CREBRF: variants seen among roughly 807,000 people sequenced by gnomAD.
CREBRF encodes the protein UPF0474 protein C5orf41.
CREBRF carries 5 observed loss-of-function variants against 66.1 expected under a neutral mutation model. That is an observed-to-expected ratio of 0.08 (90% CI 0.04 to 0.16). The LOEUF (loss-of-function observed/expected upper bound fraction) is 0.16, where lower values mean the gene tolerates loss of function less well. CREBRF is among the 10% of genes least tolerant of loss of function. The pLI, the probability that CREBRF is intolerant of heterozygous loss-of-function variation, is 1.00. For missense variants in CREBRF, 531 were observed against 744.9 expected (o/e 0.71, Z 3.34); for synonymous variants, 229 against 264.4 (o/e 0.87, Z 1.30).
intron 1 of CREBRF, among the ~76,000 whole-genome samples, chr5:173,077,932 T>C (rs1383537387): frequency 2.0e-5 from 3 of 152,234 alleles, no homozygotes; most frequent in East Asian, 1.9e-4. Flanking sequence ...AATATTCTGT[T>C]GTATTTGCCA....
At chr5:173,108,238 A>T (rs536522200) in intron 4 of CREBRF, among the ~76,000 whole-genome samples, 1 of 152,322 alleles carries the variant, frequency 6.6e-6, no homozygotes, top group Non-Finnish European at 1.5e-5. Flanking sequence ...TAGAAGGAAG[A>T]CATTTAAAAA....
chr5:173,130,257 G>A, intron 8 of CREBRF, among the ~76,000 whole-genome samples: 1 of 152,156 alleles, frequency 6.6e-6, no homozygotes, highest in East Asian at 1.9e-4. Context: ...CAAAAGATCT[G>A]CTAGAGTTTG....
At chr5:173,096,197 C>T (rs903578459) in intron 4 of CREBRF, among the ~76,000 whole-genome samples, 2 of 152,170 alleles carry the variant, frequency 1.3e-5, no homozygotes, top group East Asian at 3.9e-4. Context: ...TCTCGATCTC[C>T]TAACCTTGTG....
intron 8 of CREBRF, 59 bp from the exon 9 acceptor site, chr5:173,133,571 C>G: frequency 2.1e-6 from 2 of 937,266 alleles, no homozygotes; most frequent in Non-Finnish European, 3.4e-6. Flanking sequence ...CAGCTCCTTC[C>G]CTTCCCTTCA....
At chr5:173,057,158 C>T (rs1757082218) in intron 1 of CREBRF, among the ~76,000 whole-genome samples, 1 of 151,928 alleles carries the variant, frequency 6.6e-6, no homozygotes, top group Non-Finnish European at 1.5e-5. Context: ...GCGGAGCCCT[C>T]AGAGCTGAGT....
chr5:173,056,420 G>A lies in CREBRF; in HGVS notation c.-251G>A. 2.5e-6 allele frequency: 1 copy of A among 398,392 alleles called. No homozygotes were observed. Among genetic ancestry groups the A allele is most frequent in the Non-Finnish European group, 4.4e-6 (1 of 225,878 alleles). 24.7% of individuals were successfully genotyped at this position (398,392 alleles called of 1,614,324 possible). On this transcript the variant is annotated 5_prime_UTR_variant, in exon 1 of 9. Transcript: ENST00000296953. ...AAACAAACCCGAGGCAGCATGGAGA[G>A]GGGCCGTGGCCCCTGCAGCGGAACC...
At chr5:173,110,411 C>A (rs750452129) in intron 5 of CREBRF, 111 bp from the exon 6 acceptor site, 1 of 802,970 alleles carries the variant, frequency 1.2e-6, no homozygotes, top group East Asian at 2.5e-5. Context: ...CATGCCAAGA[C>A]TTCTGAAAAG....
chr5:173,134,035 G>A lies in CREBRF; in HGVS notation c.*290G>A, dbSNP rs182349360. On this transcript the variant is annotated 3_prime_UTR_variant, in exon 9 of 9. Coordinates refer to ENST00000296953, the MANE Select transcript of CREBRF (RefSeq NM_153607.3). ...AAATCTGTTAAAGCAAAACATTTTG[G>A]AGGAGTGAAATAGTAAAATGCCAAG... The A allele has an allele frequency of 2.6e-4, 47 of 182,500 alleles. No homozygotes were observed. The highest frequency in any genetic ancestry group is 1.1e-3 in the African/African-American group (46 of 42,606). The allele number at this position is 182,500 out of a possible 1,614,324, so 11.3% of individuals were successfully genotyped here.
At chr5:173,072,114 CT>C (rs910280333) in intron 1 of CREBRF, among the ~76,000 whole-genome samples, 3 of 150,092 alleles carry the variant, frequency 2.0e-5, no homozygotes, top group East Asian at 1.9e-4. Context: ...AAAATTTTTC[CT>C]TTTTTTTTAA....
intron 3 of CREBRF, among the ~76,000 whole-genome samples, chr5:173,089,117 C>T (rs1287536431): frequency 1.4e-5 from 2 of 145,736 alleles, no homozygotes; most frequent in East Asian, 2.0e-4. Context: ...GAGGAGGTTG[C>T]AGTGAGCCAA....
intron 3 of CREBRF, 103 bp downstream of exon 3, chr5:173,086,729 C>G: frequency 1.0e-6 from 1 of 984,338 alleles, no homozygotes. Context: ...TGTGCTTGGG[C>G]CAAGTTTGAT....
intron 3 of CREBRF, among the ~76,000 whole-genome samples, chr5:173,087,058 T>G (rs1758174584): frequency 6.6e-6 from 1 of 151,908 alleles, no homozygotes; most frequent in Admixed American, 6.6e-5. Flanking sequence ...GCTATTCTTC[T>G]ACCTCAGCCT....
intron 7 of CREBRF, among the ~76,000 whole-genome samples, chr5:173,113,289 C>T (rs1758910066): frequency 6.6e-6 from 1 of 152,080 alleles, no homozygotes; most frequent in African/African-American, 2.4e-5. Flanking sequence ...GCCGCTGCAC[C>T]CAGCCAAGAT....
rs1384390747 is a variant in CREBRF at position 173,135,288 on chromosome 5, A to G, written c.*1543A>G. ...GACTTATTCTTCTATAGTTTCTAGAATTGAGAAACATTAACACATTTAGTT... is the reference window on the plus strand; with the variant it reads ...GACTTATTCTTCTATAGTTTCTAGAGTTGAGAAACATTAACACATTTAGTT... On this transcript the variant is annotated 3_prime_UTR_variant, in exon 9 of 9. Coordinates refer to ENST00000296953, the MANE Select transcript of CREBRF (RefSeq NM_153607.3). 1 of 152,504 alleles carries G rather than the reference A, an allele frequency of 6.6e-6. No individual in the cohort carries two copies. Among genetic ancestry groups the G allele is most frequent in the Non-Finnish European group, 1.5e-5 (1 of 67,926 alleles). 9.4% of individuals were successfully genotyped at this position (152,504 alleles called of 1,614,324 possible). A position where few individuals can be genotyped will look rare whatever the true frequency, so the allele number is the denominator to read the frequency against.
chr5:173,131,842 C>A (rs1216797647), intron 8 of CREBRF, among the ~76,000 whole-genome samples: 1 of 152,096 alleles, frequency 6.6e-6, no homozygotes, highest in Non-Finnish European at 1.5e-5. Flanking sequence ...AAGTGGTTCT[C>A]CTATCTCAGC....
At chr5:173,132,937 C>G (rs2113814363) in intron 8 of CREBRF, among the ~76,000 whole-genome samples, 1 of 152,042 alleles carries the variant, frequency 6.6e-6, no homozygotes, top group Admixed American at 6.6e-5. Context: ...GCCTAGCTGA[C>G]AAATATATTT....
chr5:173,086,166 C>T, intron 2 of CREBRF: 1 of 775,454 alleles, frequency 1.3e-6, no homozygotes, highest in Non-Finnish European at 2.4e-6. Flanking sequence ...ACATGTTTTG[C>T]CAACAGCACC....
intron 4 of CREBRF, among the ~76,000 whole-genome samples, chr5:173,100,021 C>G (rs191089986): frequency 5.0e-4 from 75 of 149,110 alleles, no homozygotes; most frequent in African/African-American, 1.8e-3. Flanking sequence ...ATTCTCCTGC[C>G]TTAGCCTCCC....
At chr5:173,131,509 C>T (rs1368766018) in intron 8 of CREBRF, among the ~76,000 whole-genome samples, 1 of 151,942 alleles carries the variant, frequency 6.6e-6, no homozygotes, top group East Asian at 1.9e-4. Flanking sequence ...ATGAAAAATC[C>T]AGGTCTTGTA....
Sources: allele counts gnomAD v4.1 joint callset (sites outside exome capture counted in the v4.1 genomes callset), GRCh38; gene constraint gnomAD v4.1.1; transcripts MANE v1.5; gene names NCBI Gene and HGNC (gene_info 2026-07-23, HGNC 2026-07-21).